Variants in RBFOX1 observed in about 807,000 individuals in gnomAD.
The protein encoded by RBFOX1 is RNA binding protein fox-1 homolog 1.
RBFOX1 carries 8 observed loss-of-function variants against 57.7 expected under a neutral mutation model. That is an observed-to-expected ratio of 0.14 (90% CI 0.08 to 0.25). The LOEUF is 0.25. Ranked by LOEUF, RBFOX1 falls within the 10% of genes least tolerant of loss-of-function variation. RBFOX1 has a pLI of 1.00. For missense variants in RBFOX1, 611 were observed against 548.5 expected (o/e 1.11, Z -1.14); for synonymous variants, 326 against 222.4 (o/e 1.47, Z -4.15).
intron 1 of RBFOX1, among the ~76,000 whole-genome samples, chr16:6,135,612 T>C (rs552090275): frequency 2.6e-5 from 4 of 152,016 alleles, no homozygotes; most frequent in Admixed American, 6.6e-5. Context: ...ACTTAAATCA[T>C]TGCATTTAAG....
intron 2 of RBFOX1, among the ~76,000 whole-genome samples, chr16:6,494,677 C>T (rs1377749195): frequency 5.3e-5 from 8 of 152,218 alleles, no homozygotes; most frequent in African/African-American, 1.7e-4. Flanking sequence ...AGTTTCACTT[C>T]TCTGGCATAA....
intron 4 of RBFOX1, among the ~76,000 whole-genome samples, chr16:7,113,874 T>A (rs2065307604): frequency 1.3e-5 from 2 of 152,192 alleles, no homozygotes. Context: ...AATGGCACTC[T>A]CGGGTCATGC....
Position 7,263,860 on chromosome 16 carries a change from A to G in RBFOX1, c.27+211762A>G, listed in dbSNP as rs1019564982. On this transcript the variant is annotated intron_variant, in intron 4 of 15. Coordinates refer to ENST00000550418, the MANE Select transcript of RBFOX1 (RefSeq NM_018723.4). ...GGTTGTGGTGAGCTGAGATTGCACC[A>G]TTGCACTCCAGCCTGGGCAACAAGA... Among the ~76,000 whole-genome samples, 15 of 151,482 alleles carry G rather than the reference A, an allele frequency of 9.9e-5. No individual in the cohort carries two copies. In the East Asian group the frequency reaches 2.9e-3, roughly 30 times the overall value.
At chr16:7,403,736 G>C (rs1032820843) in intron 4 of RBFOX1, among the ~76,000 whole-genome samples, 6 of 152,040 alleles carry the variant, frequency 3.9e-5, no homozygotes, top group Non-Finnish European at 8.8e-5. Context: ...AGTAGAGACA[G>C]GGTTTCACCA....
At chr16:5,518,714 T>G (rs2043893596) in intron 2 of RBFOX1, among the ~76,000 whole-genome samples, 3 of 152,172 alleles carry the variant, frequency 2.0e-5, no homozygotes, top group African/African-American at 4.8e-5. Flanking sequence ...TTTTATCTCT[T>G]GACATCCTCA....
chr16:5,270,495 A>G lies in RBFOX1; in HGVS notation c.219+30390A>G, dbSNP rs536782549. On this transcript the variant is annotated intron_variant, in intron 1 of 2. Coordinates refer to the RBFOX1 transcript ENST00000585867. ...TTCTATGGCATGGGTCTTACCTGTG[A>G]CAAAATATGTTCCATGGTTGAAAAA... 3.7e-5 allele frequency: 26 copies of G among 694,568 alleles called. No individual in the cohort carries two copies. The East Asian group carries it at 4.0e-4, about 11-fold the overall frequency. The allele number at this position is 694,568 out of a possible 1,614,324, so 43.0% of individuals were successfully genotyped here.
intron 4 of RBFOX1, among the ~76,000 whole-genome samples, chr16:7,439,973 A>G (rs1421346545): frequency 1.5e-5 from 2 of 134,008 alleles, no homozygotes; most frequent in African/African-American, 5.5e-5. Flanking sequence ...TTTTTTTGAG[A>G]CAGGGTCTCA....
In RBFOX1 at chr16:5,436,214, A is replaced by C. The variant is rs550472466; in HGVS notation, c.220-31002A>C. 1.8e-4 allele frequency among the ~76,000 whole-genome samples: 27 copies of C among 152,250 alleles called. No homozygotes were observed. In the East Asian group the frequency reaches 5.0e-3, roughly 28 times the overall value. On this transcript the variant is annotated intron_variant, in intron 1 of 2. Coordinates refer to the RBFOX1 transcript ENST00000585867. ...CTGATCCCTGCCTAGGAGGCCTCAA[A>C]AGGGGGCTCGTGACTCAGACTTACC...
At chr16:7,011,456 T>G (rs1010661401) in intron 3 of RBFOX1, among the ~76,000 whole-genome samples, 1 of 145,270 alleles carries the variant, frequency 6.9e-6, no homozygotes, top group Non-Finnish European at 1.6e-5. Context: ...AGTTGGATTT[T>G]TGTTTGTTTG....
chr16:6,825,088 C>A (rs930408690), intron 3 of RBFOX1, among the ~76,000 whole-genome samples: 8 of 143,926 alleles, frequency 5.6e-5, no homozygotes, highest in African/African-American at 1.8e-4. Flanking sequence ...CCCCTGTCAC[C>A]CTGGTTCAAA....
At chr16:5,869,470 C>T (rs749532303) in intron 4 of RBFOX1, among the ~76,000 whole-genome samples, 9 of 152,152 alleles carry the variant, frequency 5.9e-5, no homozygotes, top group East Asian at 1.9e-4. Context: ...GGCACAATCT[C>T]GGCTCACTGC....
At chr16:5,758,058 C>T (rs575763667) in intron 3 of RBFOX1, among the ~76,000 whole-genome samples, 16 of 152,230 alleles carry the variant, frequency 1.1e-4, no homozygotes, top group East Asian at 3.9e-4. Flanking sequence ...GGAAGCCTGA[C>T]GGGACCCAAG....
At position 7,290,522 on chromosome 16, in the gene RBFOX1, G is replaced by A. The variant is rs148148032; in HGVS notation, c.28-227625G>A. ...ACACTATTTTCAAAAGGTAGCTGAC[G>A]ATTGAATAAATGAATTAACCAACTA... On this transcript the variant is annotated intron_variant, in intron 4 of 15. Coordinates refer to ENST00000550418, the MANE Select transcript of RBFOX1 (RefSeq NM_018723.4). 3.0e-3 allele frequency among the ~76,000 whole-genome samples: 451 copies of A among 152,296 alleles called. 1 individual carries two copies. The highest frequency in any genetic ancestry group is 0.01 in the African/African-American group (428 of 41,554).
At chr16:6,766,153 A>G (rs1299768226) in intron 3 of RBFOX1, among the ~76,000 whole-genome samples, 5 of 152,012 alleles carry the variant, frequency 3.3e-5, no homozygotes, top group Non-Finnish European at 7.4e-5. Flanking sequence ...ATTTAAAAAG[A>G]AAAAAAAGCA....
chr16:6,367,727 A>C (rs571923871), intron 2 of RBFOX1, among the ~76,000 whole-genome samples: 1 of 149,170 alleles, frequency 6.7e-6, no homozygotes, highest in South Asian at 2.1e-4. Context: ...TCTTTTGGAC[A>C]GGTAGAATGA....
At chr16:6,620,200 A>T (rs898750735) in intron 2 of RBFOX1, among the ~76,000 whole-genome samples, 1 of 152,218 alleles carries the variant, frequency 6.6e-6, no homozygotes, top group African/African-American at 2.4e-5. Flanking sequence ...ATTCACTCAA[A>T]ACCATACAGT....
At chr16:7,320,483 G>T (rs1424988966) in intron 4 of RBFOX1, among the ~76,000 whole-genome samples, 3 of 152,182 alleles carry the variant, frequency 2.0e-5, no homozygotes, top group Non-Finnish European at 4.4e-5. Flanking sequence ...TATCTTTGAT[G>T]GGCATTTGTG....
At chr16:7,061,262 T>A (rs529127235) in intron 4 of RBFOX1, among the ~76,000 whole-genome samples, 1 of 152,320 alleles carries the variant, frequency 6.6e-6, no homozygotes, top group East Asian at 1.9e-4. Context: ...AAAATGTTTT[T>A]TAAAATGTTT....
intron 3 of RBFOX1, among the ~76,000 whole-genome samples, chr16:6,809,188 G>C (rs1007396665): frequency 2.0e-5 from 3 of 152,168 alleles, no homozygotes; most frequent in African/African-American, 7.2e-5. Context: ...TTCTGTCTAT[G>C]AATTTTCTTT....
Sources: gnomAD v4.1 joint callset for allele counts (sites outside exome capture counted in the v4.1 genomes callset) on GRCh38, gnomAD v4.1.1 for gene constraint, MANE v1.5 for transcripts, NCBI Gene and HGNC (gene_info 2026-07-23, HGNC 2026-07-21) for gene names.